Variants in USH2A observed in about 807,000 individuals in gnomAD.
The protein encoded by USH2A is Usher syndrome 2A (autosomal recessive, mild).
A neutral mutation model predicts 538.9 loss-of-function variants in USH2A; 443 were observed. That is an observed-to-expected ratio of 0.82 (90% CI 0.76 to 0.89). The LOEUF is 0.89. Among genes scored for constraint, USH2A ranks in the 40% least tolerant of loss-of-function variants. USH2A has a pLI of 0.00. For synonymous variants in USH2A, 2,413 were observed against 2,273.5 expected, an observed-to-expected ratio of 1.06 and a Z score of -1.75; for missense variants, 6,633 against 6,324.8, an observed-to-expected ratio of 1.05 and a Z score of -1.65.
At chr1:215,680,464 C>T (rs1658191147) in intron 61 of USH2A, 88 bp from the exon 62 acceptor site, 6 of 1,353,742 alleles carry the variant, frequency 4.4e-6, no homozygotes, top group Non-Finnish European at 6.3e-6. Flanking sequence ...ACCTCATGGC[C>T]AAAGCTTGTA....
At chr1:216,114,309 A>G (rs924844287) in intron 21 of USH2A, among the ~76,000 whole-genome samples, 4 of 149,632 alleles carry the variant, frequency 2.7e-5, no homozygotes, top group South Asian at 2.1e-4. Context: ...TGGAAATTTC[A>G]TCTATTCCTT....
rs563850026 is a variant in USH2A, at chr1:216,208,691, T to C, written c.3158-1260A>G. On this transcript the variant is annotated intron_variant, in intron 15 of 71. Coordinates refer to ENST00000307340, the MANE Select transcript of USH2A (RefSeq NM_206933.4). ...CTAGGAAGACTCAGGACTCATCATATAGTCCTACTCATGGCTAAAATTTAT... is the reference window on the plus strand; with the variant it reads ...CTAGGAAGACTCAGGACTCATCATACAGTCCTACTCATGGCTAAAATTTAT... Among the ~76,000 whole-genome samples the C allele has an allele frequency of 1.1e-4, 16 of 152,258 alleles. No homozygotes were observed. The East Asian group carries it at 2.9e-3, about 28-fold the overall frequency.
At position 216,107,259 on chromosome 1, in the gene USH2A, G is replaced by T. The variant is rs538936926; in HGVS notation, c.4628-10046C>A. ...AATCTTGAAATATAGAAGGGAATTT[G>T]TCTATTTTGTCCTTTGGTTTGTAAA... On this transcript the variant is annotated intron_variant, in intron 21 of 71. Coordinates refer to ENST00000307340, the MANE Select transcript of USH2A (RefSeq NM_206933.4). Among the ~76,000 whole-genome samples, 4 of 151,790 alleles carry T rather than the reference G, an allele frequency of 2.6e-5. No homozygotes were observed. In the South Asian group the frequency reaches 8.3e-4, roughly 31 times the overall value.
At chr1:215,989,908 C>T (rs1230059240) in intron 35 of USH2A, among the ~76,000 whole-genome samples, 6 of 152,080 alleles carry the variant, frequency 3.9e-5, no homozygotes, top group African/African-American at 9.6e-5. Flanking sequence ...TGATGATAAC[C>T]GAGGCAGTGG....
chr1:215,842,373 G>C (rs1198848500), intron 46 of USH2A, among the ~76,000 whole-genome samples: 3 of 152,188 alleles, frequency 2.0e-5, no homozygotes, highest in Non-Finnish European at 2.9e-5. Context: ...ATGTAAATTA[G>C]TTCAACCATT....
chr1:215,656,045 T>A (rs1344939715), intron 64 of USH2A, among the ~76,000 whole-genome samples: 2 of 152,228 alleles, frequency 1.3e-5, no homozygotes, highest in African/African-American at 2.4e-5. Context: ...GTGCTAGTTA[T>A]TTTTTAGCAC....
At chr1:215,864,136 G>A (rs1460200363) in intron 44 of USH2A, among the ~76,000 whole-genome samples, 1 of 152,116 alleles carries the variant, frequency 6.6e-6, no homozygotes, top group African/African-American at 2.4e-5. Context: ...TTTAGACTGA[G>A]CAGTCAAGAT....
At chr1:216,406,694 C>A (rs1283578509) in intron 3 of USH2A, among the ~76,000 whole-genome samples, 1 of 152,106 alleles carries the variant, frequency 6.6e-6, no homozygotes, top group Admixed American at 6.6e-5. Context: ...CACTAGTTTT[C>A]TCAATATATG....
intron 47 of USH2A, among the ~76,000 whole-genome samples, chr1:215,832,056 C>T (rs529308831): frequency 1.3e-4 from 19 of 151,918 alleles, no homozygotes; most frequent in African/African-American, 4.6e-4. Flanking sequence ...ATTAAATTAA[C>T]CTATTTTCTG....
chr1:215,727,972 A>C, intron 61 of USH2A, 58 bp downstream of exon 61: 2 of 1,566,398 alleles, frequency 1.3e-6, no homozygotes, highest in Non-Finnish European at 1.8e-6. Context: ...CAAGAAAATT[A>C]ATTTCAACGT....
At position 216,171,017 on chromosome 1, in the gene USH2A, GCTT is replaced by G. The variant is rs569120712; in HGVS notation, c.4627+4232_4627+4234del. On this transcript the variant is annotated intron_variant, in intron 21 of 71. Coordinates refer to ENST00000307340, the MANE Select transcript of USH2A (RefSeq NM_206933.4). ...GATCACGAAACTATTTTAATTTTCTGCTTTTTTTATAACATCTGATATGACCCA... is the reference window on the plus strand; with the variant it reads ...GATCACGAAACTATTTTAATTTTCTGTTTTTATAACATCTGATATGACCCA... 2.6e-3 allele frequency among the ~76,000 whole-genome samples: 396 copies of G among 151,906 alleles called. 1 individual carries two copies. The highest frequency in any genetic ancestry group is 9.0e-3 in the African/African-American group (371 of 41,450).
At chr1:216,359,497 C>G (rs1161128282) in intron 4 of USH2A, among the ~76,000 whole-genome samples, 1 of 151,990 alleles carries the variant, frequency 6.6e-6, no homozygotes, top group Admixed American at 6.6e-5. Flanking sequence ...TATATTTAAA[C>G]CAGAGCTTGG....
At chr1:215,816,040 G>A (rs747986996) in intron 48 of USH2A, among the ~76,000 whole-genome samples, 7 of 152,010 alleles carry the variant, frequency 4.6e-5, no homozygotes, top group Non-Finnish European at 7.4e-5. Context: ...GAAAAAAATT[G>A]AGAAGTGAAT....
chr1:215,957,160 AAC>A (rs1471327080), intron 37 of USH2A, among the ~76,000 whole-genome samples: 28 of 152,302 alleles, frequency 1.8e-4, no homozygotes, highest in African/African-American at 6.7e-4. Context: ...AACAAATAGA[AAC>A]AGAGTAATTT....
chr1:215,946,207 A>G (rs1468666110), intron 37 of USH2A, among the ~76,000 whole-genome samples: 1 of 152,088 alleles, frequency 6.6e-6, no homozygotes, highest in Non-Finnish European at 1.5e-5. Context: ...CACTCAGTAG[A>G]TGTTTATTGT....
At chr1:216,041,969 T>C (rs549079897) in intron 32 of USH2A, among the ~76,000 whole-genome samples, 10 of 152,120 alleles carry the variant, frequency 6.6e-5, no homozygotes, top group Non-Finnish European at 1.2e-4. Flanking sequence ...GATTTAGCTA[T>C]TCTTCTAGGA....
At chr1:216,031,273 C>A (rs1301406554) in intron 32 of USH2A, among the ~76,000 whole-genome samples, 3 of 152,022 alleles carry the variant, frequency 2.0e-5, no homozygotes, top group Admixed American at 2.0e-4. Context: ...CATAATTGAG[C>A]CCCCTATAAA....
intron 37 of USH2A, among the ~76,000 whole-genome samples, chr1:215,959,407 T>A (rs1212433514): frequency 6.6e-6 from 1 of 152,112 alleles, no homozygotes; most frequent in East Asian, 1.9e-4. Context: ...TCCATTTCCT[T>A]TCTTTCCCGG....
At chr1:216,411,406 G>A (rs1283512666) in intron 3 of USH2A, among the ~76,000 whole-genome samples, 1 of 152,034 alleles carries the variant, frequency 6.6e-6, no homozygotes, top group African/African-American at 2.4e-5. Context: ...ACCTTATTTG[G>A]GTAGTGTCTT....
Sources: allele counts gnomAD v4.1 joint callset (sites outside exome capture counted in the v4.1 genomes callset), GRCh38; gene constraint gnomAD v4.1.1; transcripts MANE v1.5; gene names NCBI Gene and HGNC (gene_info 2026-07-23, HGNC 2026-07-21).